The following UBASH3A variants were observed in gnomAD, a reference collection of about 807,000 sequenced individuals.
The protein encoded by UBASH3A is ubiquitin-associated and SH3 domain-containing protein A.
UBASH3A carries 63 observed loss-of-function variants against 73.5 expected under a neutral mutation model. The observed-to-expected ratio is 0.86, with a 90% CI of 0.70 to 1.06. The LOEUF is 1.06. UBASH3A is among the 50% of genes least tolerant of loss of function. The pLI, the probability that UBASH3A is intolerant of heterozygous loss-of-function variation, is 0.00. For missense variants in UBASH3A, 860 were observed against 859.0 expected, an observed-to-expected ratio of 1.00 and a Z score of -0.02; for synonymous variants, 363 against 351.1, an observed-to-expected ratio of 1.03 and a Z score of -0.38.
intron 11 of UBASH3A, among the ~76,000 whole-genome samples, chr21:42,438,995 G>T (rs1232293276): frequency 6.6e-6 from 1 of 152,114 alleles, no homozygotes; most frequent in Non-Finnish European, 1.5e-5. Context: ...AGGAGCCGTT[G>T]GGACAGCAGT....
chr21:42,434,783 C>A (rs780196913), intron 9 of UBASH3A, 49 bp from the exon 10 acceptor site: 1 of 1,571,960 alleles, frequency 6.4e-7, no homozygotes, highest in South Asian at 1.2e-5. Context: ...TGGAACAAAT[C>A]TGTACTAACT....
rs141961761 is a variant in UBASH3A, at chr21:42,427,236, G to C, written c.1170+416G>C. ...GGTCCAGGGCACAGCAGGGCACCCC[G>C]AGCTGGCCACCCTCATGGGGCACAT... On this transcript the variant is annotated intron_variant, in intron 8 of 14. Transcript: ENST00000319294. 2.7e-3 allele frequency among the ~76,000 whole-genome samples: 406 copies of C among 152,292 alleles called. 1 individual carries two copies. The highest frequency in any genetic ancestry group is 8.2e-3 in the African/African-American group (339 of 41,560).
In UBASH3A at chr21:42,412,717, C is replaced by G. The variant is rs57624404; in HGVS notation, c.355-307C>G. ...TGTGCCATGGGACTGAGGAAAGGGC[C>G]TGGCAGGTGATGAGCACGTGCCATG... On this transcript the variant is annotated intron_variant, in intron 3 of 14. Coordinates refer to ENST00000319294, the MANE Select transcript of UBASH3A (RefSeq NM_018961.4). Among the ~76,000 whole-genome samples the G allele has an allele frequency of 5.4e-3, 818 of 152,226 alleles. 10 individuals are homozygous for G. Among genetic ancestry groups the G allele is most frequent in the African/African-American group, 0.017 (715 of 41,528 alleles).
At chr21:42,426,967 T>C in intron 8 of UBASH3A, 147 bp downstream of exon 8, 1 of 1,024,470 alleles carries the variant, frequency 9.8e-7, no homozygotes, top group African/African-American at 1.6e-5. Context: ...CAAGGGGGCC[T>C]CCCAGGTCTG....
chr21:42,417,883 T>C (rs922241938), intron 6 of UBASH3A, among the ~76,000 whole-genome samples: 14 of 98,928 alleles, frequency 1.4e-4, no homozygotes, highest in South Asian at 1.4e-3. Context: ...TTTTTCTTTT[T>C]TTTTTTTTTT....
At chr21:42,443,281 G>C in intron 12 of UBASH3A, 31 bp from the exon 13 acceptor site, 1 of 1,601,256 alleles carries the variant, frequency 6.2e-7, no homozygotes, top group Non-Finnish European at 8.5e-7. Context: ...GAAAGTGCCA[G>C]GGCAGCAGCC....
At chr21:42,417,234 G>A (rs1204418242) in intron 6 of UBASH3A, among the ~76,000 whole-genome samples, 1 of 151,932 alleles carries the variant, frequency 6.6e-6, no homozygotes, top group Non-Finnish European at 1.5e-5. Context: ...ACCAGCCTGG[G>A]CAACAGGGCA....
intron 9 of UBASH3A, among the ~76,000 whole-genome samples, chr21:42,434,586 G>A (rs962366960): frequency 1.3e-5 from 2 of 152,242 alleles, no homozygotes; most frequent in East Asian, 3.8e-4. Context: ...AGGACAAAGA[G>A]GGTTGCATAG....
chr21:42,445,596 G>A (rs73372290), intron 14 of UBASH3A, among the ~76,000 whole-genome samples: 2,877 of 152,340 alleles, frequency 0.019, 101 homozygotes, highest in African/African-American at 0.065. Context: ...CTCTAGCTAC[G>A]CCTGCCTCAG....
At chr21:42,431,015 C>G (rs1234577820) in intron 8 of UBASH3A, among the ~76,000 whole-genome samples, 4 of 152,220 alleles carry the variant, frequency 2.6e-5, no homozygotes, top group Non-Finnish European at 5.9e-5. Flanking sequence ...TGGTGTCTCC[C>G]TCCAGGGTCC....
At chr21:42,434,736 A>G (rs1166204482) in intron 9 of UBASH3A, 96 bp from the exon 10 acceptor site, 3 of 1,325,160 alleles carry the variant, frequency 2.3e-6, no homozygotes, top group African/African-American at 3.0e-5. Context: ...CAATAATAAC[A>G]TTGCTGTTAG....
At position 42,421,344 on chromosome 21, in the gene UBASH3A, C is replaced by T. The variant is rs371386834; in HGVS notation, c.1046+2735C>T. Among the ~76,000 whole-genome samples the T allele has an allele frequency of 2.0e-5, 3 of 152,274 alleles. 1 individual carries two copies. The highest frequency in any genetic ancestry group is 1.9e-4 in the East Asian group (1 of 5,178). Reference sequence around the variant, plus strand: ...GTTGTGGTTCTGGGCTTCCTGGCACCTTCAGAGCTGTGTGGCTGGGGAAGA... The same window carrying T: ...GTTGTGGTTCTGGGCTTCCTGGCACTTTCAGAGCTGTGTGGCTGGGGAAGA... On this transcript the variant is annotated intron_variant, in intron 7 of 14. Transcript: ENST00000319294.
chr21:42,404,553 C>T (rs2052930871), intron 1 of UBASH3A, among the ~76,000 whole-genome samples: 1 of 152,124 alleles, frequency 6.6e-6, no homozygotes, highest in African/African-American at 2.4e-5. Flanking sequence ...ACTCTGGGTG[C>T]CCCATTTTGG....
intron 10 of UBASH3A, among the ~76,000 whole-genome samples, chr21:42,436,561 C>A (rs555186345): frequency 1.3e-5 from 2 of 152,324 alleles, no homozygotes; most frequent in South Asian, 4.1e-4. Flanking sequence ...GGTGCATACC[C>A]TTATTTTAAC....
At chr21:42,418,316 G>A (rs1340884821) in intron 6 of UBASH3A, 85 bp from the exon 7 acceptor site, 12 of 1,176,590 alleles carry the variant, frequency 1.0e-5, no homozygotes, top group Non-Finnish European at 1.4e-5. Context: ...AAAGCAGGAG[G>A]TGGCAGGTGA....
At chr21:42,406,408 C>G (rs2052977495) in intron 2 of UBASH3A, 47 bp downstream of exon 2, 1 of 1,530,220 alleles carries the variant, frequency 6.5e-7, no homozygotes, top group Non-Finnish European at 9.1e-7. Context: ...GGGCTGAATT[C>G]CCTGTGCCTA....
intron 14 of UBASH3A, 127 bp from the exon 15 acceptor site, chr21:42,446,930 C>A (rs1374485324): frequency 2.9e-6 from 3 of 1,042,836 alleles, no homozygotes; most frequent in Non-Finnish European, 4.1e-6. Context: ...TCAATGGTGG[C>A]AGTGCCAGCC....
intron 6 of UBASH3A, among the ~76,000 whole-genome samples, chr21:42,418,116 T>C (rs1237230783): frequency 1.3e-5 from 2 of 152,044 alleles, no homozygotes; most frequent in African/African-American, 4.8e-5. Context: ...ACTCCTGACC[T>C]TGTGATCCAC....
rs1335259260 is a variant in UBASH3A at position 42,426,218 on chromosome 21, T to C, written c.1047-479T>C. On this transcript the variant is annotated intron_variant, in intron 7 of 14. Coordinates refer to ENST00000319294, the MANE Select transcript of UBASH3A (RefSeq NM_018961.4). ...GTTGGATGAGACCCACTCACAGTGA[T>C]GTGTCGAGACATTCAAGGACCATTT... Among the ~76,000 whole-genome samples, 4 of 152,282 alleles carry C rather than the reference T, an allele frequency of 2.6e-5. No individual in the cohort carries two copies. The South Asian group carries it at 6.2e-4, about 24-fold the overall frequency.
Sources: allele counts gnomAD v4.1 joint callset (sites outside exome capture counted in the v4.1 genomes callset), GRCh38; gene constraint gnomAD v4.1.1; transcripts MANE v1.5; gene names NCBI Gene and HGNC (gene_info 2026-07-23, HGNC 2026-07-21).